The following CFDP1 variants were observed in gnomAD, a reference collection of about 807,000 sequenced individuals.
The protein encoded by CFDP1 is chromatin remodeling protein CFDP1.
A neutral mutation model predicts 40.1 loss-of-function variants in CFDP1; 31 were observed. The observed-to-expected ratio is 0.77, with a 90% confidence interval of 0.58 to 1.04. The LOEUF is 1.04. Ranked by LOEUF, CFDP1 falls within the 50% of genes least tolerant of loss-of-function variation. The pLI is 0.00. For missense variants in CFDP1, 423 were observed against 343.4 expected, an observed-to-expected ratio of 1.23 and a Z score of -1.83; for synonymous variants, 167 against 120.0, an observed-to-expected ratio of 1.39 and a Z score of -2.56.
At position 75,302,632 on chromosome 16, in the gene CFDP1, T is replaced by C. The variant is rs562054755; in HGVS notation, c.809+2392A>G. Among the ~76,000 whole-genome samples, 4 of 152,290 alleles carry C rather than the reference T, an allele frequency of 2.6e-5. No homozygotes were observed. The South Asian group carries it at 8.3e-4, about 32-fold the overall frequency. ...ATATAATCAATATTCAGAGAAGCAA[T>C]AATGTGTAGCACACGCTGATAGTTC... On this transcript the variant is annotated intron_variant, in intron 6 of 6. Transcript: ENST00000283882.
At position 75,407,242 on chromosome 16, in the gene CFDP1, G is replaced by A. The variant is rs373638699; in HGVS notation, c.530+4583C>T. Among the ~76,000 whole-genome samples, 7 of 151,966 alleles carry A rather than the reference G, an allele frequency of 4.6e-5. No homozygotes were observed. In the East Asian group the frequency reaches 1.2e-3, roughly 25 times the overall value. The stretch of plus-strand genomic sequence containing the variant: ...ACAAAAAATAATCCTAGTACTTCCA[G>A]GCAAGAAAGCAATTTAACATGTTTT... On this transcript the variant is annotated intron_variant, in intron 4 of 6. Coordinates refer to ENST00000283882, the MANE Select transcript of CFDP1 (RefSeq NM_006324.3).
intron 5 of CFDP1, among the ~76,000 whole-genome samples, chr16:75,383,088 T>C (rs2078865091): frequency 1.3e-5 from 2 of 152,222 alleles, no homozygotes; most frequent in South Asian, 4.1e-4. Flanking sequence ...TTCCATATCC[T>C]CAATGATGGG....
chr16:75,409,501 C>G (rs1406784169), intron 4 of CFDP1: 1 of 152,098 alleles, frequency 6.6e-6, no homozygotes, highest in East Asian at 1.9e-4. Context: ...ATTTGTTTTT[C>G]TAGTAATTCC....
At chr16:75,385,089 T>C (rs867127292) in intron 5 of CFDP1, among the ~76,000 whole-genome samples, 30 of 151,378 alleles carry the variant, frequency 2.0e-4, no homozygotes, top group African/African-American at 6.3e-4. Flanking sequence ...AGAAATTGAA[T>C]AAGGAAAATA....
At chr16:75,390,738 G>C (rs1036693228) in intron 5 of CFDP1, among the ~76,000 whole-genome samples, 15 of 152,192 alleles carry the variant, frequency 9.9e-5, no homozygotes, top group African/African-American at 3.1e-4. Flanking sequence ...TTCCCTCTGG[G>C]GGAAGTCCAT....
In CFDP1 at chr16:75,337,531, G is replaced by A. The variant is rs116715839; in HGVS notation, c.651-32349C>T. 6.0e-3 allele frequency among the ~76,000 whole-genome samples: 918 copies of A among 152,326 alleles called. 10 individuals are homozygous for A. The highest frequency in any genetic ancestry group is 0.02 in the African/African-American group (828 of 41,566). On this transcript the variant is annotated intron_variant, in intron 5 of 6. Transcript: ENST00000283882. ...CACACTGGTATCAAGAACTACCAGA[G>A]ACTGGATAATTTATACAAAAAAGAA...
At position 75,384,803 on chromosome 16, in the gene CFDP1, C is replaced by T. The variant is rs555762704; in HGVS notation, c.650+10287G>A. Among the ~76,000 whole-genome samples the T allele has an allele frequency of 4.2e-5, 5 of 117,954 alleles. No homozygotes were observed. The South Asian group carries it at 1.4e-3, about 33-fold the overall frequency. 77.4% of individuals were successfully genotyped at this position (117,954 alleles called of 152,430 possible). ...GTTTATATTGAACCTGGAGAGATGC[C>T]CAAGATAGACTGTTAAGTAAAAATA... On this transcript the variant is annotated intron_variant, in intron 5 of 6. Coordinates refer to ENST00000283882, the MANE Select transcript of CFDP1 (RefSeq NM_006324.3).
At chr16:75,320,225 TAAAC>T (rs927674918) in intron 5 of CFDP1, among the ~76,000 whole-genome samples, 16 of 152,344 alleles carry the variant, frequency 1.1e-4, no homozygotes, top group Admixed American at 9.8e-4. Flanking sequence ...TATGAACCCT[TAAAC>T]AAGTCCAGTT....
At chr16:75,317,044 G>A (rs1420484706) in intron 5 of CFDP1, among the ~76,000 whole-genome samples, 2 of 152,142 alleles carry the variant, frequency 1.3e-5, no homozygotes, top group African/African-American at 4.8e-5. Context: ...CAGTTAACTA[G>A]AGAAAAGGCA....
intron 5 of CFDP1, among the ~76,000 whole-genome samples, chr16:75,358,134 G>A (rs1444353183): frequency 2.7e-5 from 4 of 150,902 alleles, no homozygotes; most frequent in Non-Finnish European, 3.0e-5. Context: ...ATTGCACACC[G>A]CCATAATAAT....
Position 75,369,267 on chromosome 16 carries a change from G to A in CFDP1, c.650+25823C>T, listed in dbSNP as rs546910257. On this transcript the variant is annotated intron_variant, in intron 5 of 6. Transcript: ENST00000283882. ...AAAAAAGTAGCTTAAAATACATATT[G>A]CAGGCCAGGCGCAGTAGCTCATGCC... 3.0e-4 allele frequency among the ~76,000 whole-genome samples: 46 copies of A among 152,072 alleles called. No homozygotes were observed. In the South Asian group the frequency reaches 8.7e-3, roughly 29 times the overall value.
intron 5 of CFDP1, among the ~76,000 whole-genome samples, chr16:75,311,053 C>G (rs1016753114): frequency 6.6e-5 from 10 of 152,150 alleles, no homozygotes; most frequent in African/African-American, 2.2e-4. Context: ...GATCAACATA[C>G]AGGCAAACTG....
At chr16:75,397,195 T>A (rs1013030185) in intron 4 of CFDP1, among the ~76,000 whole-genome samples, 1 of 150,360 alleles carries the variant, frequency 6.7e-6, no homozygotes, top group Admixed American at 6.6e-5. Context: ...ATTACAGGCG[T>A]GAGCCACTGC....
At chr16:75,427,624 G>A (rs1430267720) in intron 1 of CFDP1, among the ~76,000 whole-genome samples, 1 of 152,096 alleles carries the variant, frequency 6.6e-6, no homozygotes, top group African/African-American at 2.4e-5. Context: ...TGAGGATGAA[G>A]AGCAACTTGA....
chr16:75,410,431 T>C (rs1255160900), intron 4 of CFDP1, among the ~76,000 whole-genome samples: 1 of 152,160 alleles, frequency 6.6e-6, no homozygotes, highest in Non-Finnish European at 1.5e-5. Context: ...ACTTAACCTA[T>C]GGTAAATAAA....
chr16:75,307,539 T>A (rs372761955), intron 5 of CFDP1, among the ~76,000 whole-genome samples: 3 of 152,244 alleles, frequency 2.0e-5, no homozygotes, highest in East Asian at 3.9e-4. Flanking sequence ...TTTTAAAACA[T>A]AATAATTAAA....
intron 5 of CFDP1, among the ~76,000 whole-genome samples, chr16:75,370,748 G>C (rs988091415): frequency 2.0e-5 from 3 of 152,080 alleles, no homozygotes; most frequent in Non-Finnish European, 4.4e-5. Flanking sequence ...TGTAATCCCA[G>C]CTACTTGGGA....
intron 5 of CFDP1, chr16:75,394,887 C>G: frequency 1.8e-6 from 1 of 558,508 alleles, no homozygotes; most frequent in Non-Finnish European, 2.9e-6. Context: ...TCACAAACTC[C>G]TGGGTTCAAG....
intron 4 of CFDP1, among the ~76,000 whole-genome samples, chr16:75,397,596 T>C (rs2079007569): frequency 1.3e-5 from 2 of 151,130 alleles, no homozygotes; most frequent in African/African-American, 4.9e-5. Flanking sequence ...AGGTCAGGAG[T>C]TCGAGACCAG....
Sources: gnomAD v4.1 joint callset for allele counts (sites outside exome capture counted in the v4.1 genomes callset) on GRCh38, gnomAD v4.1.1 for gene constraint, MANE v1.5 for transcripts, NCBI Gene and HGNC (gene_info 2026-07-23, HGNC 2026-07-21) for gene names.